The following TNS3 variants were observed in gnomAD, a reference collection of about 807,000 sequenced individuals.
TNS3 encodes tensin-3.
A neutral mutation model predicts 140.9 loss-of-function variants in TNS3; 45 were observed. The observed-to-expected ratio is 0.32, with a 90% CI of 0.25 to 0.41. The LOEUF (loss-of-function observed/expected upper bound fraction) is 0.41. Ranked by LOEUF, TNS3 falls within the 10% of genes least tolerant of loss-of-function variation. TNS3 has a pLI of 1.00. For missense variants in TNS3, 1,716 were observed against 1,906.7 expected, an observed-to-expected ratio of 0.90 and a Z score of 1.86; for synonymous variants, 815 against 788.4, an observed-to-expected ratio of 1.03 and a Z score of -0.56.
chr7:47,370,576 C>A (rs537369187), intron 16 of TNS3, among the ~76,000 whole-genome samples: 1 of 152,364 alleles, frequency 6.6e-6, no homozygotes, highest in South Asian at 2.1e-4. Flanking sequence ...TCGGGGACTC[C>A]CAAGCCTCAA....
chr7:47,582,425 A>C (rs1483055801), upstream of TNS3: 1 of 456,562 alleles, frequency 2.2e-6, no homozygotes, highest in Non-Finnish European at 4.4e-6. Context: ...GTGTTAGAGT[A>C]CCTGGGGAGG....
rs139488701 is a variant in TNS3, at chr7:47,503,532, G to C, written c.-115+3375C>G. Among the ~76,000 whole-genome samples, 1,206 of 152,230 alleles carry C rather than the reference G, an allele frequency of 7.9e-3. 21 individuals carry two copies. Among genetic ancestry groups the C allele is most frequent in the African/African-American group, 0.028 (1,147 of 41,534 alleles). The stretch of plus-strand genomic sequence containing the variant: ...ATGAATAAGCACTGCATTCCAGGAA[G>C]CAAAACAGTTGAAATCCCAAACTTT... On this transcript the variant is annotated intron_variant, in intron 3 of 30. Coordinates refer to ENST00000311160, the MANE Select transcript of TNS3 (RefSeq NM_022748.12).
intron 8 of TNS3, among the ~76,000 whole-genome samples, chr7:47,432,937 C>T (rs879499805): frequency 2.0e-5 from 3 of 152,194 alleles, no homozygotes; most frequent in African/African-American, 7.2e-5. Context: ...ACTAACTGCA[C>T]AATTTTCCAT....
At position 47,400,904 on chromosome 7, in the gene TNS3, T is replaced by A; in HGVS notation, c.734A>T (p.Tyr245Phe). The A allele has an allele frequency of 6.2e-7, 1 of 1,614,164 alleles. No individual in the cohort carries two copies. The highest frequency in any genetic ancestry group is 8.5e-7 in the Non-Finnish European group (1 of 1,179,994). Residue 245 changes from tyrosine to phenylalanine, a missense_variant, in exon 14 of 31, where the codon TAC becomes TTC. Coordinates refer to ENST00000311160, the MANE Select transcript of TNS3 (RefSeq NM_022748.12). ...GGTGGCCGAGCGGTATTTCTTGTGG[T>A]AGCATTTCACCTGGGTTAGAGAGAC... ...LLKGDVMVKC[Y>F]HKKYRSATRD...
chr7:47,349,631 A>G (rs1789548900), intron 17 of TNS3, among the ~76,000 whole-genome samples: 1 of 152,258 alleles, frequency 6.6e-6, no homozygotes, highest in Non-Finnish European at 1.5e-5. Context: ...GGGAAAAGAC[A>G]CAGGCACACA....
At chr7:47,331,112 G>A (rs535634931) in intron 20 of TNS3, among the ~76,000 whole-genome samples, 5 of 152,292 alleles carry the variant, frequency 3.3e-5, no homozygotes, top group African/African-American at 7.2e-5. Flanking sequence ...CCTCAAAGAC[G>A]GTGCCACTCC....
chr7:47,491,156 C>T (rs918386571), intron 3 of TNS3, among the ~76,000 whole-genome samples: 1 of 152,196 alleles, frequency 6.6e-6, no homozygotes, highest in African/African-American at 2.4e-5. Context: ...GGCAGCCTCT[C>T]GTCCATCTAC....
intron 1 of TNS3, among the ~76,000 whole-genome samples, chr7:47,578,421 G>C (rs1467116735): frequency 6.6e-6 from 1 of 152,104 alleles, no homozygotes; most frequent in Non-Finnish European, 1.5e-5. Flanking sequence ...TCCCCAAGTT[G>C]ATGGCCCCCA....
At chr7:47,347,780 C>T (rs922182894) in intron 17 of TNS3, among the ~76,000 whole-genome samples, 2 of 152,178 alleles carry the variant, frequency 1.3e-5, no homozygotes, top group African/African-American at 4.8e-5. Flanking sequence ...AAGAAGTGTG[C>T]GTTAGGACCT....
chr7:47,340,092 C>CATATATATATATATATAT (rs199944761), intron 20 of TNS3, among the ~76,000 whole-genome samples: 16 of 46,034 alleles, frequency 3.5e-4, no homozygotes, highest in Non-Finnish European at 4.8e-4. Context: ...TGTGCATATA[C>CATATATATATATATATAT]ATATATATAT....
At chr7:47,334,807 C>T (rs550188148) in intron 20 of TNS3, among the ~76,000 whole-genome samples, 19 of 152,194 alleles carry the variant, frequency 1.2e-4, no homozygotes, top group Admixed American at 9.8e-4. Context: ...CAGGGTTTCA[C>T]CATGTTGGCC....
At chr7:47,495,722 T>C (rs1346534869) in intron 3 of TNS3, among the ~76,000 whole-genome samples, 3 of 152,194 alleles carry the variant, frequency 2.0e-5, no homozygotes, top group African/African-American at 4.8e-5. Flanking sequence ...TCTGCAGAGA[T>C]GACATTGCTA....
intron 17 of TNS3, among the ~76,000 whole-genome samples, chr7:47,367,738 T>C (rs1013067987): frequency 2.0e-5 from 3 of 151,976 alleles, no homozygotes; most frequent in African/African-American, 4.8e-5. Context: ...ACTGAGCTGC[T>C]CTCCACAGTA....
intron 1 of TNS3, among the ~76,000 whole-genome samples, chr7:47,534,440 T>C (rs1799529560): frequency 6.6e-6 from 1 of 152,156 alleles, no homozygotes. Context: ...ACAGCTATTG[T>C]AAATGACCAA....
intron 23 of TNS3, among the ~76,000 whole-genome samples, chr7:47,301,395 C>T (rs1003890622): frequency 6.6e-6 from 1 of 152,054 alleles, no homozygotes; most frequent in Non-Finnish European, 1.5e-5. Flanking sequence ...ATGAGGTATC[C>T]AGAGGAAGGT....
At chr7:47,282,307 C>T (rs976038684) in intron 28 of TNS3, among the ~76,000 whole-genome samples, 2 of 150,332 alleles carry the variant, frequency 1.3e-5, no homozygotes, top group African/African-American at 2.5e-5. Context: ...CTGAGTCTAC[C>T]ATGCAGATGA....
intron 17 of TNS3, among the ~76,000 whole-genome samples, chr7:47,362,967 A>G (rs371852547): frequency 0.021 from 4 of 190 alleles, no homozygotes; most frequent in Non-Finnish European, 0.029. Flanking sequence ...CCATCATCAG[A>G]GTCATTTACC....
chr7:47,377,014 G>T (rs568348784), intron 16 of TNS3, among the ~76,000 whole-genome samples: 30 of 152,190 alleles, frequency 2.0e-4, no homozygotes, highest in Non-Finnish European at 3.5e-4. Context: ...GGGGTCAGGA[G>T]CCATGGATAT....
At chr7:47,383,255 T>A (rs1791879807) in intron 16 of TNS3, among the ~76,000 whole-genome samples, 1 of 152,132 alleles carries the variant, frequency 6.6e-6, no homozygotes, top group Non-Finnish European at 1.5e-5. Flanking sequence ...GTAACAGGAA[T>A]GCAGCTGGAA....
Sources: allele counts gnomAD v4.1 joint callset (sites outside exome capture counted in the v4.1 genomes callset), GRCh38; gene constraint gnomAD v4.1.1; transcripts MANE v1.5; gene names NCBI Gene and HGNC (gene_info 2026-07-23, HGNC 2026-07-21).